Variants in PPARA observed in about 807,000 individuals in gnomAD.
PPARA encodes peroxisome proliferator-activated receptor alpha.
Under a neutral mutation model 42.2 loss-of-function variants are expected in PPARA, and 22 were observed. The ratio of observed to expected loss-of-function variants is 0.52; its 90% confidence interval spans 0.37 to 0.74. The LOEUF (loss-of-function observed/expected upper bound fraction) is 0.74. Among genes scored for constraint, PPARA ranks in the 30% least tolerant of loss-of-function variants. The probability of loss-of-function intolerance (pLI) is 0.00; values close to 1 mark genes in which losing one functional copy is unlikely to be tolerated. For synonymous variants in PPARA, 242 were observed against 239.3 expected, an observed-to-expected ratio of 1.01 and a Z score of -0.10; for missense variants, 465 against 608.2, an observed-to-expected ratio of 0.76 and a Z score of 2.48.
At chr22:46,214,864 C>T (rs1021494958) in intron 4 of PPARA, among the ~76,000 whole-genome samples, 1 of 147,770 alleles carries the variant, frequency 6.8e-6, no homozygotes, top group Admixed American at 6.7e-5. Context: ...GACGCGCGGG[C>T]CCGGAGATAT....
At position 46,173,404 on chromosome 22, in the gene PPARA, A is replaced by G. The variant is rs1928396390; in HGVS notation, c.-126-3349A>G. Among the ~76,000 whole-genome samples the G allele has an allele frequency of 6.6e-6, 1 of 152,242 alleles. No individual in the cohort carries two copies. Among genetic ancestry groups the G allele is most frequent in the African/African-American group, 2.4e-5 (1 of 41,470 alleles). On this transcript the variant is annotated intron_variant, in intron 2 of 8. Transcript: ENST00000407236. This position sits in a 1 kb window ranked among gnomAD's most constrained non-coding sequence, Gnocchi z 4.3. ...GGAGCCTATTTAAGCACCCAGCTTC[A>G]GGATGGGACATGGGATATACCTCGA...
At chr22:46,197,577 T>G (rs1932424171) in intron 3 of PPARA, among the ~76,000 whole-genome samples, 1 of 152,112 alleles carries the variant, frequency 6.6e-6, no homozygotes, top group Non-Finnish European at 1.5e-5. Context: ...AATTCAGGTG[T>G]ATCTTGGATG....
rs535294765 is a variant in PPARA at position 46,209,565 on chromosome 22, A to C, written c.209-5608A>C. On this transcript the variant is annotated intron_variant, in intron 4 of 8. Transcript: ENST00000407236. The stretch of plus-strand genomic sequence containing the variant: ...TATTGCTACATCTTCAAATTTACTA[A>C]TTTTTTCTTCTGCAATATCTAATCT... 2.1e-4 allele frequency among the ~76,000 whole-genome samples: 32 copies of C among 151,802 alleles called. 1 individual carries two copies. The South Asian group carries it at 6.3e-3, about 30-fold the overall frequency.
At chr22:46,210,570 G>T (rs1225058023) in intron 4 of PPARA, among the ~76,000 whole-genome samples, 1 of 151,870 alleles carries the variant, frequency 6.6e-6, no homozygotes, top group Non-Finnish European at 1.5e-5. Context: ...AGCCTCCCAG[G>T]TAGCTGGGAT....
chr22:46,218,530 G>T (rs2147580829), intron 6 of PPARA, 129 bp downstream of exon 6: 1 of 1,491,468 alleles, frequency 6.7e-7, no homozygotes, highest in East Asian at 2.3e-5. Context: ...TGTAATCAGA[G>T]TGGCCTAAGA....
At chr22:46,164,304 G>T (rs1198287310) in intron 2 of PPARA, 1 of 151,346 alleles carries the variant, frequency 6.6e-6, no homozygotes, top group African/African-American at 2.4e-5. Context: ...CCAGGCTGGA[G>T]TGCAATGGCA....
Position 46,215,338 on chromosome 22 carries a change from A to C in PPARA, c.369+5A>C. 1 of 1,614,140 alleles carries C rather than the reference A, an allele frequency of 6.2e-7. No homozygotes were observed. Among genetic ancestry groups the C allele is most frequent in the Non-Finnish European group, 8.5e-7 (1 of 1,180,010 alleles). ...CACGCGTGTGAAGGCTGCAAGGTAG[A>C]GGGGAGCTGGAACAGGGCCTGGTGG... is the stretch of plus-strand genomic sequence containing the variant. On this transcript the variant is annotated splice_donor_5th_base_variant and intron_variant, in intron 5 of 8. Transcript: ENST00000407236.
chr22:46,220,817 C>T (rs1297411360), intron 7 of PPARA, among the ~76,000 whole-genome samples: 3 of 151,830 alleles, frequency 2.0e-5, no homozygotes, highest in Admixed American at 1.3e-4. Flanking sequence ...GTGGCACACA[C>T]CTGTAATTCC....
rs377581715 is a variant in PPARA, at chr22:46,215,351, C to T, written c.369+18C>T. On this transcript the variant is annotated intron_variant, in intron 5 of 8. Coordinates refer to ENST00000407236, the MANE Select transcript of PPARA (RefSeq NM_005036.6). The stretch of plus-strand genomic sequence containing the variant: ...GCTGCAAGGTAGAGGGGAGCTGGAA[C>T]AGGGCCTGGTGGCCGCCACCATCAA... 6 of 1,613,978 alleles carry T rather than the reference C, an allele frequency of 3.7e-6. No individual in the cohort carries two copies. In the African/African-American group the frequency reaches 6.7e-5, roughly 18 times the overall value.
rs541170574 is a variant in PPARA at position 46,242,762 on chromosome 22, G to C, written c.*7382G>C. 8.8e-5 allele frequency: 12 copies of C among 136,670 alleles called. No homozygotes were observed. The highest frequency in any genetic ancestry group is 3.0e-4 in the African/African-American group (9 of 29,774). 8.5% of individuals were successfully genotyped at this position (136,670 alleles called of 1,614,324 possible). On this transcript the variant is annotated 3_prime_UTR_variant, in exon 9 of 9. Coordinates refer to ENST00000407236, the MANE Select transcript of PPARA (RefSeq NM_005036.6). The surrounding 1 kb of genome is among the most constrained non-coding windows in gnomAD (Gnocchi z 6.1). ...ACACACACACACACACACACACACAGCTCTTCATTTCTCCTGAGCCATGCA... is the reference window on the plus strand; with the variant it reads ...ACACACACACACACACACACACACACCTCTTCATTTCTCCTGAGCCATGCA...
chr22:46,169,025 A>T (rs1927560866), intron 2 of PPARA, among the ~76,000 whole-genome samples: 1 of 151,918 alleles, frequency 6.6e-6, no homozygotes, highest in Non-Finnish European at 1.5e-5. Flanking sequence ...CCAGGGGCTC[A>T]TGGGGAGGGA....
Position 46,240,438 on chromosome 22 carries a change from G to C in PPARA, c.*5058G>C, listed in dbSNP as rs2147746319. 2.5e-6 allele frequency: 1 copy of C among 394,792 alleles called. No homozygotes were observed. Among genetic ancestry groups the C allele is most frequent in the East Asian group, 3.6e-5 (1 of 27,884 alleles). 24.5% of individuals were successfully genotyped at this position (394,792 alleles called of 1,614,324 possible). On this transcript the variant is annotated 3_prime_UTR_variant, in exon 9 of 9. Transcript: ENST00000407236. The surrounding 1 kb of genome is among the most constrained non-coding windows in gnomAD (Gnocchi z 6.0). ...AGGTGACCCAGGGGCCTGCAGCCTT[G>C]TCCTCAGCTCCCATCTCCTGGACTG... is the stretch of plus-strand genomic sequence containing the variant.
rs9626729 is a variant in PPARA at position 46,165,653 on chromosome 22, G to A, written c.-126-11100G>A. On this transcript the variant is annotated intron_variant, in intron 2 of 8. Coordinates refer to ENST00000407236, the MANE Select transcript of PPARA (RefSeq NM_005036.6). This position sits in a 1 kb window ranked among gnomAD's most constrained non-coding sequence, Gnocchi z 5.5. ...CCAGGAGTACAGGTGACCTGGAAAC[G>A]GATCAGCGTAATCGAGGACTGAAGT... Among the ~76,000 whole-genome samples, 12,902 of 152,236 alleles carry A rather than the reference G, an allele frequency of 0.085. 1,805 individuals are homozygous for A. Among genetic ancestry groups the A allele is most frequent in the African/African-American group, 0.29 (12,122 of 41,510 alleles).
chr22:46,197,979 C>T (rs979374044), intron 3 of PPARA, among the ~76,000 whole-genome samples: 6 of 151,772 alleles, frequency 4.0e-5, no homozygotes, highest in Admixed American at 3.3e-4. Context: ...CTCCTGTAAT[C>T]GCAGCACTTT....
At position 46,195,819 on chromosome 22, in the gene PPARA, G is replaced by C. The variant is rs1326960542; in HGVS notation, c.-42-2523G>C. Among the ~76,000 whole-genome samples the C allele has an allele frequency of 2.0e-5, 3 of 152,172 alleles. No individual in the cohort carries two copies. Among genetic ancestry groups the C allele is most frequent in the African/African-American group, 7.2e-5 (3 of 41,444 alleles). The stretch of plus-strand genomic sequence containing the variant: ...GCACATACCCCCGAGCCTCTCCGTG[G>C]TGTGCGCCGTGGGCACCATGTGACC... On this transcript the variant is annotated intron_variant, in intron 3 of 8. Coordinates refer to ENST00000407236, the MANE Select transcript of PPARA (RefSeq NM_005036.6). This position sits in a 1 kb window ranked among gnomAD's most constrained non-coding sequence, Gnocchi z 4.6.
At chr22:46,172,015 G>T (rs978450742) in intron 2 of PPARA, among the ~76,000 whole-genome samples, 3 of 152,164 alleles carry the variant, frequency 2.0e-5, no homozygotes, top group African/African-American at 7.2e-5. Flanking sequence ...CGCGTTGGGT[G>T]TAGGAAGACC....
chr22:46,159,136 C>T (rs1414257760), intron 2 of PPARA, among the ~76,000 whole-genome samples: 1 of 152,138 alleles, frequency 6.6e-6, no homozygotes, highest in Non-Finnish European at 1.5e-5. Context: ...AAGTGATCTG[C>T]CCGCCTCAGC....
chr22:46,185,704 G>T (rs1279447275), intron 3 of PPARA, among the ~76,000 whole-genome samples: 2 of 150,552 alleles, frequency 1.3e-5, no homozygotes, highest in African/African-American at 4.9e-5. Flanking sequence ...AGACCAGCCT[G>T]GCCAACATGG....
intron 2 of PPARA, among the ~76,000 whole-genome samples, chr22:46,154,680 T>G (rs1924985741): frequency 6.6e-6 from 1 of 151,982 alleles, no homozygotes; most frequent in South Asian, 2.1e-4. Flanking sequence ...TTTATTTATT[T>G]ATTTATTTTT....
Sources: gnomAD v4.1 joint callset for allele counts (sites outside exome capture counted in the v4.1 genomes callset) on GRCh38, gnomAD v4.1.1 for gene constraint, Gnocchi (gnomAD v3.1) non-coding constraint, MANE v1.5 for transcripts, NCBI Gene and HGNC (gene_info 2026-07-23, HGNC 2026-07-21) for gene names.